The following CNTN6 variants were observed in gnomAD, a reference collection of about 807,000 sequenced individuals.
CNTN6 encodes contactin-6.
In CNTN6, 137 loss-of-function variants were observed where a neutral mutation model predicts 122.8. That is an observed-to-expected ratio of 1.12 (90% CI 0.97 to 1.29). The LOEUF (loss-of-function observed/expected upper bound fraction) is 1.29, where lower values mean the gene tolerates loss of function less well. Ranked by LOEUF, CNTN6 falls within the 50% of genes most tolerant of loss-of-function variation. The pLI, the probability that CNTN6 is intolerant of heterozygous loss-of-function variation, is 0.00. For synonymous variants in CNTN6, 570 were observed against 426.0 expected, an observed-to-expected ratio of 1.34 and a Z score of -4.16; for missense variants, 1,634 against 1,223.4, an observed-to-expected ratio of 1.34 and a Z score of -5.01.
At chr3:1,121,313 T>C (rs2125061148) in intron 1 of CNTN6, among the ~76,000 whole-genome samples, 1 of 152,004 alleles carries the variant, frequency 6.6e-6, no homozygotes, top group East Asian at 1.9e-4. Context: ...CATTACAAGT[T>C]TTTTGAAATT....
At chr3:1,373,813 A>G (rs751597250) in intron 15 of CNTN6, 51 bp downstream of exon 15, 6 of 1,503,354 alleles carry the variant, frequency 4.0e-6, no homozygotes, top group Non-Finnish European at 4.4e-6. Context: ...TTTTAGTCCA[A>G]TAATTTTAAT....
intron 20 of CNTN6, among the ~76,000 whole-genome samples, chr3:1,390,550 TAACTA>T (rs905340685): frequency 1.3e-5 from 2 of 151,540 alleles, no homozygotes; most frequent in African/African-American, 4.9e-5. Flanking sequence ...AAGAAAGAAA[TAACTA>T]AAATCAGAGC....
In CNTN6 at chr3:1,297,893, G is replaced by T; in HGVS notation, c.663G>T (p.Val221=). ...AGCTCTTTTGATATTTAACAGGTGT[G>T]ATGGGGGAATATGAACCAAAGATTG... ...PTPLVQRTDG[V]MGEYEPKIEV... The change falls in exon 7 of 23, where the codon GTG becomes GTT. Residue 221 remains valine (V), a synonymous_variant. Transcript: ENST00000446702. 1 of 1,609,918 alleles carries T rather than the reference G, an allele frequency of 6.2e-7. No individual in the cohort carries two copies. The highest frequency in any genetic ancestry group is 8.5e-7 in the Non-Finnish European group (1 of 1,177,522).
At chr3:1,104,094 G>C (rs569289483) in intron 1 of CNTN6, among the ~76,000 whole-genome samples, 199 of 152,184 alleles carry the variant, frequency 1.3e-3, no homozygotes, top group African/African-American at 4.1e-3. Flanking sequence ...ACAAGACAGA[G>C]AAGAGTTCTG....
chr3:1,099,239 C>G (rs1482726164), intron 1 of CNTN6, among the ~76,000 whole-genome samples: 1 of 152,046 alleles, frequency 6.6e-6, no homozygotes, highest in African/African-American at 2.4e-5. Flanking sequence ...ATCACGAGGT[C>G]AGGAGATCGA....
intron 2 of CNTN6, among the ~76,000 whole-genome samples, chr3:1,213,130 T>G (rs1169097443): frequency 1.3e-5 from 2 of 152,208 alleles, no homozygotes; most frequent in Non-Finnish European, 2.9e-5. Context: ...ATATATTTTT[T>G]GAAAACCACT....
At chr3:1,123,383 T>C (rs2092035333) in intron 1 of CNTN6, among the ~76,000 whole-genome samples, 1 of 151,894 alleles carries the variant, frequency 6.6e-6, no homozygotes, top group South Asian at 2.1e-4. Flanking sequence ...CATTTATTCA[T>C]GGGTATTTTA....
intron 2 of CNTN6, among the ~76,000 whole-genome samples, chr3:1,203,464 C>T (rs552230814): frequency 6.6e-6 from 1 of 152,220 alleles, no homozygotes; most frequent in South Asian, 2.1e-4. Flanking sequence ...GCACATGGGG[C>T]AGGAGAAGTA....
chr3:1,300,493 A>G lies in CNTN6; in HGVS notation c.761+2502A>G, dbSNP rs9864747. Reference sequence around the variant, plus strand: ...GAAGGAAGGAAGGAAGGAAGGAAGGAAAAAGAAAAGAAAGAGAAAGAAAGA... The same window carrying G: ...GAAGGAAGGAAGGAAGGAAGGAAGGGAAAAGAAAAGAAAGAGAAAGAAAGA... On this transcript the variant is annotated intron_variant, in intron 7 of 22. Transcript: ENST00000446702. 2.2e-3 allele frequency among the ~76,000 whole-genome samples: 258 copies of G among 119,538 alleles called. 2 individuals are homozygous for G. The highest frequency in any genetic ancestry group is 0.015 in the African/African-American group (235 of 15,492). 78.4% of individuals were successfully genotyped at this position (119,538 alleles called of 152,430 possible). A position where few individuals can be genotyped will look rare whatever the true frequency, so the allele number is the denominator to read the frequency against.
intron 4 of CNTN6, among the ~76,000 whole-genome samples, chr3:1,247,512 A>G (rs1337795231): frequency 6.6e-6 from 1 of 152,224 alleles, no homozygotes; most frequent in Non-Finnish European, 1.5e-5. Flanking sequence ...TCCAAAGAGA[A>G]CCAGAGGAGA....
intron 4 of CNTN6, among the ~76,000 whole-genome samples, chr3:1,230,987 C>T (rs2094346049): frequency 6.6e-6 from 1 of 152,180 alleles, no homozygotes; most frequent in Admixed American, 6.5e-5. Flanking sequence ...TATGAATACC[C>T]ACAGATATCC....
intron 2 of CNTN6, among the ~76,000 whole-genome samples, chr3:1,207,986 T>C (rs979795320): frequency 6.6e-6 from 1 of 152,030 alleles, no homozygotes; most frequent in South Asian, 2.1e-4. Context: ...TCAAATCATT[T>C]ATAATATTTT....
intron 1 of CNTN6, among the ~76,000 whole-genome samples, chr3:1,129,124 T>G (rs1021948215): frequency 6.6e-6 from 1 of 152,124 alleles, no homozygotes; most frequent in East Asian, 1.9e-4. Flanking sequence ...AATAGATTGG[T>G]TTAAAAAGGA....
chr3:1,242,502 A>C (rs145007904), intron 4 of CNTN6, among the ~76,000 whole-genome samples: 31 of 151,688 alleles, frequency 2.0e-4, no homozygotes, highest in African/African-American at 6.8e-4. Context: ...TGTAGCAGGC[A>C]AGTGATAACA....
chr3:1,398,366 G>T (rs188651634), intron 20 of CNTN6, among the ~76,000 whole-genome samples: 2 of 152,226 alleles, frequency 1.3e-5, no homozygotes, highest in East Asian at 3.9e-4. Flanking sequence ...AAGAAAGGAT[G>T]TAGACTAAGA....
chr3:1,250,913 C>T lies in CNTN6; in HGVS notation c.358+22920C>T, dbSNP rs571098190. Among the ~76,000 whole-genome samples, 11 of 80,406 alleles carry T rather than the reference C, an allele frequency of 1.4e-4. No homozygotes were observed. In the Admixed American group the frequency reaches 1.5e-3, roughly 11 times the overall value. 52.7% of individuals were successfully genotyped at this position (80,406 alleles called of 152,430 possible). ...TAGAGTCGTCCCATCTCCTCCGTGC[C>T]ATTTCCAGATGATCCCTCCTCCCTC... On this transcript the variant is annotated intron_variant, in intron 4 of 22. Transcript: ENST00000446702.
chr3:1,263,010 T>C (rs10510171), intron 4 of CNTN6, among the ~76,000 whole-genome samples: 10,991 of 152,232 alleles, frequency 0.072, 407 homozygotes, highest in Middle Eastern at 0.16. Flanking sequence ...TATAAGTTAT[T>C]TAGGGCCATT....
intron 2 of CNTN6, among the ~76,000 whole-genome samples, chr3:1,212,192 A>G (rs1026069685): frequency 4.0e-5 from 6 of 151,724 alleles, no homozygotes; most frequent in Non-Finnish European, 7.4e-5. Flanking sequence ...TTACTTAGAA[A>G]CATTTATTTT....
chr3:1,376,758 A>C (rs931382083), intron 16 of CNTN6, among the ~76,000 whole-genome samples: 1 of 152,160 alleles, frequency 6.6e-6, no homozygotes, highest in Non-Finnish European at 1.5e-5. Context: ...TAATGATGTC[A>C]AATACCCGAT....
Sources: gnomAD v4.1 joint callset for allele counts (sites outside exome capture counted in the v4.1 genomes callset) on GRCh38, gnomAD v4.1.1 for gene constraint, MANE v1.5 for transcripts, NCBI Gene and HGNC (gene_info 2026-07-23, HGNC 2026-07-21) for gene names.